The following OVCH2 variants were observed in gnomAD, a reference collection of about 807,000 sequenced individuals.
OVCH2 encodes the protein ovochymase-2.
Under a neutral mutation model 73.7 loss-of-function variants are expected in OVCH2, and 88 were observed. That is an observed-to-expected ratio of 1.19 (90% CI 1.01 to 1.43). The LOEUF (loss-of-function observed/expected upper bound fraction) is 1.43. Ranked by LOEUF, OVCH2 falls within the 40% of genes most tolerant of loss-of-function variation. The pLI, the probability that OVCH2 is intolerant of heterozygous loss-of-function variation, is 0.00. For synonymous variants in OVCH2, 265 were observed against 234.5 expected, an observed-to-expected ratio of 1.13 and a Z score of -1.19; for missense variants, 706 against 674.5, an observed-to-expected ratio of 1.05 and a Z score of -0.52.
chr11:7,699,598 A>G (rs1856397397), intron 7 of OVCH2: 1 of 152,132 alleles, frequency 6.6e-6, no homozygotes, highest in Non-Finnish European at 1.5e-5. Flanking sequence ...TTCTCCAAAT[A>G]TTTTTGATCC....
downstream of OVCH2, among the ~76,000 whole-genome samples, chr11:7,684,502 ACATATGTGTGTG>A (rs1342211845): frequency 2.1e-3 from 224 of 104,334 alleles, no homozygotes; most frequent in Middle Eastern, 0.017. Flanking sequence ...ACACATACAT[ACATATGTGTGTG>A]TGTGTGTGTG....
intron 2 of OVCH2, among the ~76,000 whole-genome samples, chr11:7,704,360 G>A (rs1253174560): frequency 6.6e-6 from 1 of 152,004 alleles, no homozygotes; most frequent in Non-Finnish European, 1.5e-5. Flanking sequence ...TATCCTATTT[G>A]TGATACTTGA....
Position 7,689,621 on chromosome 11 carries a change from C to G in OVCH2, c.*32-19G>C, listed in dbSNP as rs1422459028. 1 of 487,802 alleles carries G rather than the reference C, an allele frequency of 2.1e-6. No individual in the cohort carries two copies. The highest frequency in any genetic ancestry group is 4.0e-6 in the Non-Finnish European group (1 of 248,226). The allele number at this position is 487,802 out of a possible 1,614,324, so 30.2% of individuals were successfully genotyped here. The stretch of plus-strand genomic sequence containing the variant: ...CCTTGGCCTGTAGATAATGTATTGC[C>G]CCAACCTCTGCCTTCATCATTACAC... On this transcript the variant is annotated intron_variant, in intron 15 of 15. Coordinates refer to ENST00000533663, the MANE Select transcript of OVCH2 (RefSeq NM_198185.7).
chr11:7,695,765 T>G (rs1856321009), intron 10 of OVCH2, 55 bp from the exon 11 acceptor site: 1 of 1,554,890 alleles, frequency 6.4e-7, no homozygotes, highest in Admixed American at 1.9e-5. Context: ...TAGTTCCCAT[T>G]CAATGATTTA....
chr11:7,702,010 G>A (rs1373279085), intron 4 of OVCH2, 147 bp downstream of exon 4: 5 of 854,058 alleles, frequency 5.9e-6, no homozygotes, highest in African/African-American at 1.7e-5. Context: ...AGAACCACAA[G>A]CAAAAAGAGT....
chr11:7,679,733 C>CTAATACAGA, the OVCH2 span, among the ~76,000 whole-genome samples: 1 of 152,200 alleles, frequency 6.6e-6, no homozygotes, highest in African/African-American at 2.4e-5. Flanking sequence ...TGAAAATAGA[C>CTAATACAGA]TAATACAGAA....
intron 8 of OVCH2, chr11:7,697,016 A>G (rs1004587431): frequency 6.1e-6 from 3 of 492,654 alleles, no homozygotes; most frequent in African/African-American, 2.2e-5. Context: ...TCTTTCCTTA[A>G]CTCTTCTCTC....
the OVCH2 span, among the ~76,000 whole-genome samples, chr11:7,682,741 T>G: frequency 2.0e-5 from 3 of 152,230 alleles, no homozygotes; most frequent in South Asian, 6.2e-4. Context: ...TAGACATATG[T>G]GCTGTAATTT....
At chr11:7,694,803 C>CTTTTTTTTT (rs34314441) in intron 12 of OVCH2, among the ~76,000 whole-genome samples, 1 of 108,390 alleles carries the variant, frequency 9.2e-6, no homozygotes, top group Non-Finnish European at 1.7e-5. Flanking sequence ...TAAAGCGGCA[C>CTTTTTTTTT]TTTTTTTTTT....
chr11:7,694,741 A>G (rs1589874647), intron 12 of OVCH2, among the ~76,000 whole-genome samples: 1 of 150,048 alleles, frequency 6.7e-6, no homozygotes, highest in Admixed American at 6.7e-5. Context: ...CCTCCCGAGT[A>G]GCTGGGATTA....
Position 7,695,696 on chromosome 11 carries a change from C to G in OVCH2, c.1156G>C (p.Glu386Gln), listed in dbSNP as rs369186866. Residue 386 changes from glutamate (E) to glutamine (Q), a missense_variant, in exon 11 of 16, where the codon GAA becomes CAA. Coordinates refer to ENST00000533663, the MANE Select transcript of OVCH2 (RefSeq NM_198185.7). ...ATAAGAATGGATGAAGGGAGGCTTT[C>G]TCCACAAAATTTTCCTGCAGGATGA... ...EDRPIGKFCGESLPSSILIGS... is the reference protein window; with the variant it reads ...EDRPIGKFCGQSLPSSILIGS... 6.3e-7 allele frequency: 1 copy of G among 1,586,134 alleles called. No individual in the cohort carries two copies. Among genetic ancestry groups the G allele is most frequent in the African/African-American group, 1.9e-5 (1 of 54,030 alleles).
intron 14 of OVCH2, among the ~76,000 whole-genome samples, chr11:7,690,692 G>C (rs1330883048): frequency 3.3e-5 from 5 of 152,030 alleles, no homozygotes; most frequent in African/African-American, 1.2e-4. Flanking sequence ...TTCCACACGA[G>C]GTAAAACAAG....
chr11:7,703,849 GTGA>G, intron 2 of OVCH2, 60 bp from the exon 3 acceptor site: 2 of 1,310,198 alleles, frequency 1.5e-6, no homozygotes, highest in Non-Finnish European at 2.2e-6. Flanking sequence ...CCTAAACACG[GTGA>G]TGAAGCCTAT....
chr11:7,695,024 A>G, intron 12 of OVCH2, 34 bp downstream of exon 12: 1 of 1,537,972 alleles, frequency 6.5e-7, no homozygotes, highest in East Asian at 2.4e-5. Context: ...CTGTGAATTT[A>G]CCATAGCTAC....
At chr11:7,702,071 G>T in intron 4 of OVCH2, 86 bp downstream of exon 4, 2 of 1,246,788 alleles carry the variant, frequency 1.6e-6, no homozygotes, top group Non-Finnish European at 2.3e-6. Context: ...GCATGACCCA[G>T]AACGTATACT....
chr11:7,695,603 T>A lies in OVCH2; in HGVS notation c.1249A>T (p.Thr417Ser), dbSNP rs775634979. Residue 417 changes from threonine to serine, a missense_variant, in exon 11 of 16, where the codon ACC becomes TCC. Coordinates refer to ENST00000533663, the MANE Select transcript of OVCH2 (RefSeq NM_198185.7). ...ATDNAAGFNL[T>S]YKALKPNYIP... ...TAGTTTGGTTTAAGAGCTTTATAGG[T>A]AAGATTAAACCCAGCTGCATTATCT... 163 of 1,613,620 alleles carry A rather than the reference T, an allele frequency of 1.0e-4. No homozygotes were observed. Among genetic ancestry groups the A allele is most frequent in the Non-Finnish European group, 1.3e-4 (153 of 1,179,724 alleles).
In OVCH2 at chr11:7,694,611, T is replaced by TG. The variant is rs61345026; in HGVS notation, c.1413+446dup. 4.9e-4 allele frequency among the ~76,000 whole-genome samples: 11 copies of TG among 22,600 alleles called. No individual in the cohort carries two copies. The East Asian group carries it at 0.02, about 41-fold the overall frequency. The allele number at this position is 22,600 out of a possible 152,430, so 14.8% of individuals were successfully genotyped here. Reference sequence around the variant, plus strand: ...CTAAAAGTCACCAACACAAAGTTTTTGTTTTGTTTTGTTTTGTTTTGTGTT... The same window carrying TG: ...CTAAAAGTCACCAACACAAAGTTTTTGGTTTTGTTTTGTTTTGTTTTGTGTT... On this transcript the variant is annotated intron_variant, in intron 12 of 15. Coordinates refer to ENST00000533663, the MANE Select transcript of OVCH2 (RefSeq NM_198185.7).
chr11:7,704,501 T>G lies in OVCH2; in HGVS notation c.198+64A>C, dbSNP rs1455820774. 2.5e-6 allele frequency: 3 copies of G among 1,188,270 alleles called. No individual in the cohort carries two copies. The African/African-American group carries it at 4.7e-5, about 19-fold the overall frequency. The allele number at this position is 1,188,270 out of a possible 1,614,324, so 73.6% of individuals were successfully genotyped here. ...CTCCTCAAAGATATAAACTTAACCT[T>G]AAAAATATCTATATCCATAATATCT... On this transcript the variant is annotated intron_variant, in intron 2 of 15. Coordinates refer to ENST00000533663, the MANE Select transcript of OVCH2 (RefSeq NM_198185.7).
intron 1 of OVCH2, among the ~76,000 whole-genome samples, chr11:7,705,077 T>C (rs538115611): frequency 6.6e-6 from 1 of 152,314 alleles, no homozygotes; most frequent in East Asian, 1.9e-4. Context: ...GGATGGCACA[T>C]CTTCTGTCCC....
Sources: allele counts gnomAD v4.1 joint callset (sites outside exome capture counted in the v4.1 genomes callset), GRCh38; gene constraint gnomAD v4.1.1; transcripts MANE v1.5; gene names NCBI Gene and HGNC (gene_info 2026-07-23, HGNC 2026-07-21).